TRPM3: variants seen among roughly 807,000 people sequenced by gnomAD.
TRPM3 encodes transient receptor potential cation channel subfamily M member 3, also known as long transient receptor potential channel 3.
A neutral mutation model predicts 181.2 loss-of-function variants in TRPM3; 77 were observed. That is an observed-to-expected ratio of 0.42 (90% CI 0.35 to 0.51). The LOEUF (loss-of-function observed/expected upper bound fraction) is 0.51, where lower values mean the gene tolerates loss of function less well. Ranked by LOEUF, TRPM3 falls within the 20% of genes least tolerant of loss-of-function variation. The probability of loss-of-function intolerance (pLI) is 0.01; values close to 1 mark genes in which losing one functional copy is unlikely to be tolerated. For synonymous variants in TRPM3, 745 were observed against 796.4 expected, an observed-to-expected ratio of 0.94 and a Z score of 1.09; for missense variants, 1,759 against 2,196.7, an observed-to-expected ratio of 0.80 and a Z score of 3.98.
At chr9:71,338,188 T>C (rs958829009) in intron 1 of TRPM3, among the ~76,000 whole-genome samples, 8 of 152,084 alleles carry the variant, frequency 5.3e-5, no homozygotes, top group Non-Finnish European at 2.9e-5. Context: ...GAACCTTTGT[T>C]TACTTGAGGA....
intron 1 of TRPM3, among the ~76,000 whole-genome samples, chr9:71,025,912 C>T (rs1271872476): frequency 6.6e-6 from 1 of 152,136 alleles, no homozygotes; most frequent in Admixed American, 6.5e-5. Flanking sequence ...AGGGAGGCTG[C>T]CGGGAACTGA....
chr9:71,121,598 A>C lies in TRPM3; in HGVS notation c.-244T>G. 1 of 1,275,268 alleles carries C rather than the reference A, an allele frequency of 7.8e-7. No individual in the cohort carries two copies. The highest frequency in any genetic ancestry group is 9.9e-7 in the Non-Finnish European group (1 of 1,010,708). The allele number at this position is 1,275,268 out of a possible 1,614,324, so 79.0% of individuals were successfully genotyped here. A position where few individuals can be genotyped will look rare whatever the true frequency, so the allele number is the denominator to read the frequency against. On this transcript the variant is annotated 5_prime_UTR_variant, in exon 1 of 26. Transcript: ENST00000677713. Reference sequence around the variant, plus strand: ...CCTGCACAAAACAGCCTGTGGTCGGAGTCAAAGCAGCCTGCTCCAGAATGC... The same window carrying C: ...CCTGCACAAAACAGCCTGTGGTCGGCGTCAAAGCAGCCTGCTCCAGAATGC...
At chr9:71,128,587 G>A (rs764297206) in intron 1 of TRPM3, among the ~76,000 whole-genome samples, 17 of 151,906 alleles carry the variant, frequency 1.1e-4, no homozygotes, top group East Asian at 3.9e-4. Context: ...TTAAATATCC[G>A]CAACACATAC....
intron 1 of TRPM3, among the ~76,000 whole-genome samples, chr9:71,154,044 C>G (rs142217923): frequency 6.6e-6 from 1 of 151,826 alleles, no homozygotes; most frequent in African/African-American, 2.4e-5. Context: ...GTGGTATAGC[C>G]CAAACCTTAA....
rs536512557 is a variant in TRPM3, at chr9:71,414,321, A to G, written c.183+32332T>C. 3.9e-5 allele frequency among the ~76,000 whole-genome samples: 6 copies of G among 152,100 alleles called. No homozygotes were observed. In the South Asian group the frequency reaches 8.3e-4, roughly 21 times the overall value. On this transcript the variant is annotated intron_variant, in intron 1 of 24. Coordinates refer to the TRPM3 transcript ENST00000357533. ...ACCTTATTACAAGAATCAGTTCATC[A>G]TAACAATAATAGGTTGTCATAATTC... is the stretch of plus-strand genomic sequence containing the variant.
chr9:70,606,337 CTCT>C (rs1485289422), intron 19 of TRPM3, among the ~76,000 whole-genome samples: 2 of 152,140 alleles, frequency 1.3e-5, no homozygotes, highest in South Asian at 2.1e-4. Flanking sequence ...GTTCACACCT[CTCT>C]TCTTTTTTTT....
At chr9:71,014,504 C>G (rs372538229) in intron 1 of TRPM3, among the ~76,000 whole-genome samples, 3 of 151,906 alleles carry the variant, frequency 2.0e-5, no homozygotes, top group African/African-American at 7.3e-5. Flanking sequence ...CTTCTTGCAT[C>G]TCTCTGAATT....
intron 1 of TRPM3, among the ~76,000 whole-genome samples, chr9:71,035,030 A>T (rs990943009): frequency 6.6e-6 from 1 of 152,142 alleles, no homozygotes; most frequent in Non-Finnish European, 1.5e-5. Context: ...TACAGCGGCA[A>T]TTTGTAACTA....
intron 1 of TRPM3, among the ~76,000 whole-genome samples, chr9:71,329,627 T>C (rs1451834022): frequency 3.9e-5 from 6 of 152,326 alleles, no homozygotes; most frequent in Admixed American, 3.9e-4. Flanking sequence ...CTCAAAATAA[T>C]ATGTAGCCAT....
At chr9:71,324,937 G>C (rs1372048273) in intron 1 of TRPM3, among the ~76,000 whole-genome samples, 1 of 152,028 alleles carries the variant, frequency 6.6e-6, no homozygotes, top group African/African-American at 2.4e-5. Flanking sequence ...ACAGAGACTG[G>C]AAAGGGTGAG....
At chr9:71,112,893 T>C (rs148279915) in intron 1 of TRPM3, among the ~76,000 whole-genome samples, 208 of 152,234 alleles carry the variant, frequency 1.4e-3, no homozygotes, top group African/African-American at 4.1e-3. Context: ...CAGGGTTAGC[T>C]AGGAGAAGGT....
chr9:70,880,457 G>T (rs991837378), intron 1 of TRPM3, among the ~76,000 whole-genome samples: 1 of 151,922 alleles, frequency 6.6e-6, no homozygotes, highest in Non-Finnish European at 1.5e-5. Flanking sequence ...TTAAATGATG[G>T]TCCTTGCTAG....
chr9:71,117,035 C>A (rs888626214), intron 1 of TRPM3, among the ~76,000 whole-genome samples: 1 of 152,158 alleles, frequency 6.6e-6, no homozygotes. Flanking sequence ...GGACCACCAG[C>A]CAACCCTACA....
chr9:70,954,804 C>T (rs1356092234), intron 1 of TRPM3, among the ~76,000 whole-genome samples: 8 of 144,942 alleles, frequency 5.5e-5, no homozygotes, highest in African/African-American at 1.7e-4. Context: ...GGGAGAAGGC[C>T]GGGCCCTACG....
intron 1 of TRPM3, among the ~76,000 whole-genome samples, chr9:71,410,680 C>A (rs753957697): frequency 3.3e-5 from 5 of 152,124 alleles, no homozygotes; most frequent in Non-Finnish European, 7.4e-5. Flanking sequence ...ACCAGAGGTA[C>A]AAAAAGGAGC....
rs190714129 is a variant in TRPM3 at position 70,673,497 on chromosome 9, C to G, written c.1345+8009G>C. ...TTTAGTCCCTAACTAAAACACTTTGCTATCCACCTACAGTTTACCAACCCA... is the reference window on the plus strand; with the variant it reads ...TTTAGTCCCTAACTAAAACACTTTGGTATCCACCTACAGTTTACCAACCCA... On this transcript the variant is annotated intron_variant, in intron 9 of 25. Transcript: ENST00000677713. Among the ~76,000 whole-genome samples the G allele has an allele frequency of 3.3e-5, 5 of 152,328 alleles. No homozygotes were observed. The East Asian group carries it at 7.7e-4, about 24-fold the overall frequency.
intron 8 of TRPM3, among the ~76,000 whole-genome samples, chr9:70,750,340 A>G (rs1233731900): frequency 6.6e-6 from 1 of 152,214 alleles, no homozygotes. Flanking sequence ...GGATTCATCC[A>G]GACTGCATTC....
chr9:70,891,786 A>T (rs2132858192), intron 1 of TRPM3, among the ~76,000 whole-genome samples: 1 of 152,280 alleles, frequency 6.6e-6, no homozygotes, highest in African/African-American at 2.4e-5. Context: ...AATCCTAATG[A>T]CAACTCTGTA....
At chr9:71,329,866 C>A (rs954337249) in intron 1 of TRPM3, among the ~76,000 whole-genome samples, 5 of 152,064 alleles carry the variant, frequency 3.3e-5, no homozygotes, top group African/African-American at 1.2e-4. Context: ...GTGAGAGCAT[C>A]CAATAACTCA....
Sources: gnomAD v4.1 joint callset for allele counts (sites outside exome capture counted in the v4.1 genomes callset) on GRCh38, gnomAD v4.1.1 for gene constraint, MANE v1.5 for transcripts, NCBI Gene and HGNC (gene_info 2026-07-23, HGNC 2026-07-21) for gene names.